The following EVI5 variants were observed in gnomAD, a reference collection of about 807,000 sequenced individuals.
The protein encoded by EVI5 is ecotropic viral integration site 5 protein homolog.
In EVI5, 73 loss-of-function variants were observed where a neutral mutation model predicts 112.0. The observed-to-expected ratio is 0.65, with a 90% CI of 0.54 to 0.79. EVI5 has a LOEUF of 0.79. EVI5 is among the 30% of genes least tolerant of loss of function. The probability of loss-of-function intolerance (pLI) is 0.00; values close to 1 mark genes in which losing one functional copy is unlikely to be tolerated. For synonymous variants in EVI5, 305 were observed against 319.9 expected (o/e 0.95, Z 0.50); for missense variants, 900 against 968.8 (o/e 0.93, Z 0.94).
intron 19 of EVI5, among the ~76,000 whole-genome samples, chr1:92,520,952 T>C (rs1028068459): frequency 1.3e-5 from 2 of 150,416 alleles, no homozygotes; most frequent in Admixed American, 1.3e-4. Flanking sequence ...ACGTATGAGA[T>C]TGCTGCTTCT....
In EVI5 at chr1:92,607,663, A is replaced by G. The variant is rs201447972; in HGVS notation, c.1892T>C (p.Val631Ala). The G allele has an allele frequency of 6.2e-7, 1 of 1,605,610 alleles. No individual in the cohort carries two copies. The change falls in exon 17 of 20, where the codon GTG (valine) becomes GCG (alanine). Residue 631 changes from valine to alanine, a missense_variant. Transcript: ENST00000684568. ...EQEVISLQEK[V>A]QYLSAQNKGL... The stretch of plus-strand genomic sequence containing the variant: ...TTTGTTCTGTGCAGAAAGATACTGC[A>G]CTTTCTCCTGTAGGCTAATCACCTC...
At chr1:92,565,694 C>T (rs1477926575) in intron 18 of EVI5, among the ~76,000 whole-genome samples, 4 of 151,990 alleles carry the variant, frequency 2.6e-5, no homozygotes, top group African/African-American at 4.8e-5. Flanking sequence ...ACAGGCCAGG[C>T]GCGGTGGCTC....
intron 13 of EVI5, among the ~76,000 whole-genome samples, chr1:92,648,548 A>G (rs535823991): frequency 1.3e-5 from 2 of 151,976 alleles, no homozygotes; most frequent in East Asian, 3.9e-4. Flanking sequence ...CCCCATCACC[A>G]CCTTCTGGAA....
chr1:92,636,933 A>G (rs1231111635), intron 13 of EVI5, among the ~76,000 whole-genome samples: 3 of 152,154 alleles, frequency 2.0e-5, no homozygotes, highest in Non-Finnish European at 4.4e-5. Flanking sequence ...CATATGTGAC[A>G]CATTATATTG....
At chr1:92,633,962 A>G (rs536148661) in intron 14 of EVI5, among the ~76,000 whole-genome samples, 9 of 152,166 alleles carry the variant, frequency 5.9e-5, no homozygotes, top group Non-Finnish European at 1.0e-4. Context: ...CTGGATATGA[A>G]ATTCTGGGTT....
intron 18 of EVI5, among the ~76,000 whole-genome samples, chr1:92,565,178 T>C (rs6603990): frequency 0.85 from 129,653 of 152,180 alleles, 55,612 homozygotes; most frequent in East Asian, 0.97. Flanking sequence ...CAGTTTCCTT[T>C]CATGGAGACA....
At chr1:92,583,654 A>G (rs1672321614) in intron 18 of EVI5, among the ~76,000 whole-genome samples, 1 of 151,836 alleles carries the variant, frequency 6.6e-6, no homozygotes, top group Non-Finnish European at 1.5e-5. Context: ...TAAATTTGCA[A>G]TTATTTTCTA....
intron 1 of EVI5, among the ~76,000 whole-genome samples, chr1:92,744,594 TCTCTCTCACACACACACACA>T (rs1302293182): frequency 1.4e-3 from 184 of 133,768 alleles, no homozygotes; most frequent in East Asian, 2.8e-3. Context: ...TATCTCTCTC[TCTCTCTCACACACACACACA>T]CACACACACA....
intron 2 of EVI5, among the ~76,000 whole-genome samples, chr1:92,722,044 A>AATTT (rs1553255765): frequency 6.6e-6 from 1 of 151,708 alleles, no homozygotes; most frequent in African/African-American, 2.4e-5. Flanking sequence ...ATGTCCCACT[A>AATTT]TTTTAATTAC....
chr1:92,723,282 T>C (rs191486056), intron 2 of EVI5, among the ~76,000 whole-genome samples: 78 of 152,344 alleles, frequency 5.1e-4, no homozygotes, highest in Non-Finnish European at 8.7e-4. Flanking sequence ...TATCTAATTG[T>C]CAAATAATAT....
chr1:92,522,576 A>G (rs1661123948), intron 19 of EVI5, among the ~76,000 whole-genome samples: 1 of 144,696 alleles, frequency 6.9e-6, no homozygotes, highest in Admixed American at 7.2e-5. Flanking sequence ...GGGGTTCACT[A>G]GCCGAGATCA....
intron 18 of EVI5, 83 bp downstream of exon 18, chr1:92,605,224 G>A: frequency 1.1e-6 from 1 of 918,022 alleles, no homozygotes; most frequent in South Asian, 1.5e-5. Context: ...ACAGTCACGA[G>A]GATAAAGAGT....
chr1:92,719,315 G>A lies in EVI5; in HGVS notation c.150-14571C>T, dbSNP rs563680858. Among the ~76,000 whole-genome samples, 14 of 152,046 alleles carry A rather than the reference G, an allele frequency of 9.2e-5. No individual in the cohort carries two copies. The South Asian group carries it at 2.1e-3, about 23-fold the overall frequency. ...ATCCTCAATAAAATACTGGCAAACC[G>A]AATCCAGCAGCACATCAAAAAGCTT... is the stretch of plus-strand genomic sequence containing the variant. On this transcript the variant is annotated intron_variant, in intron 2 of 19. Transcript: ENST00000684568.
rs978303774 is a variant in EVI5, at chr1:92,621,103, A to G, written c.1827+3073T>C. Among the ~76,000 whole-genome samples, 9 of 152,258 alleles carry G rather than the reference A, an allele frequency of 5.9e-5. 1 individual carries two copies. Among genetic ancestry groups the G allele is most frequent in the Admixed American group, 3.9e-4 (6 of 15,300 alleles). On this transcript the variant is annotated intron_variant, in intron 16 of 19. Transcript: ENST00000684568. ...AAAAAAACTCTTGAAAGATGTATAA[A>G]TAAATAAGTCAAATGTGAAGATAAA... is the stretch of plus-strand genomic sequence containing the variant.
At chr1:92,759,172 G>A (rs1399857473) in intron 1 of EVI5, among the ~76,000 whole-genome samples, 3 of 152,130 alleles carry the variant, frequency 2.0e-5, no homozygotes, top group Non-Finnish European at 2.9e-5. Context: ...ACAGTGAGCC[G>A]AGATCATGCC....
chr1:92,765,660 TTGC>T (rs1682515602), intron 1 of EVI5, among the ~76,000 whole-genome samples: 1 of 152,172 alleles, frequency 6.6e-6, no homozygotes, highest in Non-Finnish European at 1.5e-5. Context: ...ACACAGAATT[TTGC>T]TGGATTCCCT....
chr1:92,654,860 C>G (rs1336658845), intron 13 of EVI5, among the ~76,000 whole-genome samples: 2 of 151,718 alleles, frequency 1.3e-5, no homozygotes, highest in African/African-American at 2.4e-5. Context: ...TAGACTAAAC[C>G]CAGCAGAAAA....
chr1:92,577,018 G>GA (rs568368848), intron 18 of EVI5, among the ~76,000 whole-genome samples: 2 of 152,040 alleles, frequency 1.3e-5, no homozygotes, highest in Non-Finnish European at 2.9e-5. Flanking sequence ...AAAAGGACAT[G>GA]AAAAAAACCT....
chr1:92,615,332 T>C (rs1470344688), intron 16 of EVI5, among the ~76,000 whole-genome samples: 1 of 152,162 alleles, frequency 6.6e-6, no homozygotes. Flanking sequence ...CAGAAGCAGA[T>C]ACTACGCCTC....
Sources: allele counts gnomAD v4.1 joint callset (sites outside exome capture counted in the v4.1 genomes callset), GRCh38; gene constraint gnomAD v4.1.1; transcripts MANE v1.5; gene names NCBI Gene and HGNC (gene_info 2026-07-23, HGNC 2026-07-21).